EVA1C: variants seen among roughly 807,000 people sequenced by gnomAD.
EVA1C encodes the protein protein eva-1 homolog C.
EVA1C carries 25 observed loss-of-function variants against 45.4 expected under a neutral mutation model. The ratio of observed to expected loss-of-function variants is 0.55; its 90% CI spans 0.40 to 0.77. EVA1C has a LOEUF of 0.77. Among genes scored for constraint, EVA1C ranks in the 30% least tolerant of loss-of-function variants. EVA1C has a pLI of 0.00. For synonymous variants in EVA1C, 190 were observed against 221.2 expected (o/e 0.86, Z 1.25); for missense variants, 479 against 554.8 (o/e 0.86, Z 1.37).
intron 4 of EVA1C, among the ~76,000 whole-genome samples, chr21:32,475,997 T>C (rs900451387): frequency 6.6e-6 from 1 of 152,170 alleles, no homozygotes; most frequent in Non-Finnish European, 1.5e-5. Context: ...TTTTTCTGCA[T>C]GCTTCCAATT....
intron 4 of EVA1C, 185 bp downstream of exon 4, chr21:32,468,033 T>C (rs1334225557): frequency 2.3e-5 from 7 of 305,608 alleles, no homozygotes; most frequent in Non-Finnish European, 4.0e-5. Flanking sequence ...TGTATATATA[T>C]ATAAATGCTT....
chr21:32,501,362 C>G, intron 5 of EVA1C, 53 bp from the exon 6 acceptor site: 1 of 1,475,080 alleles, frequency 6.8e-7, no homozygotes, highest in Non-Finnish European at 9.2e-7. Context: ...TATTAAGAGT[C>G]CACATTTTAA....
chr21:32,507,688 G>C (rs1241174163), intron 7 of EVA1C, among the ~76,000 whole-genome samples: 3 of 151,598 alleles, frequency 2.0e-5, no homozygotes, highest in Non-Finnish European at 4.4e-5. Context: ...CTGTGTGCAT[G>C]TGTGCATGCG....
upstream of EVA1C, chr21:32,412,064 T>C (rs2033841877): frequency 1.3e-5 from 2 of 152,266 alleles, no homozygotes; most frequent in South Asian, 4.1e-4. Flanking sequence ...GAAGCCGAGC[T>C]GGAGCTAAAG....
At chr21:32,505,066 C>A (rs911009919) in intron 7 of EVA1C, among the ~76,000 whole-genome samples, 1 of 151,866 alleles carries the variant, frequency 6.6e-6, no homozygotes, top group African/African-American at 2.4e-5. Context: ...TGGGAAAGAC[C>A]CACCCCATGA....
intron 6 of EVA1C, among the ~76,000 whole-genome samples, chr21:32,501,989 TTTCTTTCTTTC>T (rs1470875480): frequency 1.2e-3 from 2 of 1,610 alleles, no homozygotes; most frequent in Non-Finnish European, 1.9e-3. Flanking sequence ...CGCTCTTTTC[TTTCTTTCTTTC>T]TTTCTTTCTT....
chr21:32,416,128 C>CT (rs11433811), intron 1 of EVA1C, among the ~76,000 whole-genome samples: 152,220 of 152,220 alleles, frequency 1, 76,110 homozygotes, highest in Non-Finnish European at 1. Flanking sequence ...AAGGGATCCT[C>CT]ATATTTTTGC....
chr21:32,424,395 T>G (rs2833808), intron 1 of EVA1C, among the ~76,000 whole-genome samples: 58,380 of 151,930 alleles, frequency 0.38, 11,849 homozygotes, highest in African/African-American at 0.51. Context: ...TATCTAGAAG[T>G]CCAATTTGTA....
At chr21:32,463,227 G>T (rs1312344838) in intron 3 of EVA1C, among the ~76,000 whole-genome samples, 2 of 152,132 alleles carry the variant, frequency 1.3e-5, no homozygotes, top group Non-Finnish European at 2.9e-5. Context: ...GGATTTCATT[G>T]CTCTTGTCAT....
At chr21:32,504,226 G>A (rs577189145) in intron 7 of EVA1C, among the ~76,000 whole-genome samples, 72 of 152,314 alleles carry the variant, frequency 4.7e-4, no homozygotes, top group South Asian at 1.2e-3. Context: ...CACATAAACA[G>A]ACAAAGTCAC....
chr21:32,447,285 C>T (rs2035398233), intron 1 of EVA1C, among the ~76,000 whole-genome samples: 2 of 151,668 alleles, frequency 1.3e-5, no homozygotes, highest in African/African-American at 4.8e-5. Flanking sequence ...GGCAGAACTG[C>T]TTGAACCAGG....
At chr21:32,485,461 C>T (rs968736741) in intron 4 of EVA1C, among the ~76,000 whole-genome samples, 2 of 152,128 alleles carry the variant, frequency 1.3e-5, no homozygotes, top group Non-Finnish European at 2.9e-5. Context: ...CCGTGCCTGG[C>T]CACTCCCTTT....
rs149819250 is a variant in EVA1C, at chr21:32,474,369, C to T, written c.634+6521C>T. Among the ~76,000 whole-genome samples the T allele has an allele frequency of 4.4e-4, 67 of 152,312 alleles. No homozygotes were observed. Among genetic ancestry groups the T allele is most frequent in the Middle Eastern group, 6.8e-3 (2 of 294 alleles). ...TGGAGCACTCCACCTTTATTCATAC[C>T]CCTGGGCCTTTGCACAAGCTGTCCC... is the stretch of plus-strand genomic sequence containing the variant. On this transcript the variant is annotated intron_variant, in intron 4 of 7. Transcript: ENST00000300255. This position sits in a 1 kb window ranked among gnomAD's most constrained non-coding sequence, Gnocchi z 4.4.
chr21:32,448,475 GC>G (rs977416115), intron 1 of EVA1C, among the ~76,000 whole-genome samples: 7 of 152,130 alleles, frequency 4.6e-5, no homozygotes, highest in Non-Finnish European at 7.4e-5. Context: ...TGGCCAGCTC[GC>G]CCGAGCTCCT....
intron 7 of EVA1C, among the ~76,000 whole-genome samples, chr21:32,504,232 G>A (rs1344704756): frequency 2.0e-5 from 3 of 152,186 alleles, no homozygotes; most frequent in African/African-American, 7.2e-5. Context: ...AACAGACAAA[G>A]TCACACTATT....
Position 32,474,474 on chromosome 21 carries a change from A to G in EVA1C, c.634+6626A>G, listed in dbSNP as rs2036486802. ...GACATCGACCCAGATGTCATCTCAG[A>G]GAGGTTTCTCCAGGCACCGGCCAGC... On this transcript the variant is annotated intron_variant, in intron 4 of 7. Coordinates refer to ENST00000300255, the MANE Select transcript of EVA1C (RefSeq NM_058187.5). This position sits in a 1 kb window ranked among gnomAD's most constrained non-coding sequence, Gnocchi z 4.4. Among the ~76,000 whole-genome samples, 1 of 152,086 alleles carries G rather than the reference A, an allele frequency of 6.6e-6. No homozygotes were observed. The highest frequency in any genetic ancestry group is 1.5e-5 in the Non-Finnish European group (1 of 68,004).
At chr21:32,443,467 G>A (rs2035253420) in intron 1 of EVA1C, among the ~76,000 whole-genome samples, 1 of 152,140 alleles carries the variant, frequency 6.6e-6, no homozygotes, top group Admixed American at 6.6e-5. Context: ...AACCCAGGAG[G>A]CGGAGGTTGC....
Position 32,501,422 on chromosome 21 carries a change from G to T in EVA1C, c.786G>T (p.Lys262Asn), listed in dbSNP as rs2037525428. 1 of 1,590,242 alleles carries T rather than the reference G, an allele frequency of 6.3e-7. No homozygotes were observed. Among genetic ancestry groups the T allele is most frequent in the Non-Finnish European group, 8.5e-7 (1 of 1,177,682 alleles). The change falls in exon 6 of 8, where the codon AAG (lysine) becomes AAT (asparagine). Residue 262 changes from lysine (K) to asparagine (N), a missense_variant. This residue lies in a region of EVA1C where 366 missense variants were observed against 426.1 expected (regional missense o/e 0.86). Transcript: ENST00000300255. ...TTCTTTTTTGGCTTTTAGTTCCCAA[G>T]AACATACTCACAGCGATTGATCCAG... Reference protein sequence around the residue: ...YLTVTYACVPKNILTAIDPAI... With the variant: ...YLTVTYACVPNNILTAIDPAI...
At chr21:32,456,293 G>A (rs2035780759) in intron 2 of EVA1C, among the ~76,000 whole-genome samples, 1 of 152,168 alleles carries the variant, frequency 6.6e-6, no homozygotes, top group Admixed American at 6.5e-5. Flanking sequence ...GACCACAGCT[G>A]ATCCATCCCT....
Sources: gnomAD v4.1 joint callset for allele counts (sites outside exome capture counted in the v4.1 genomes callset) on GRCh38, gnomAD v4.1.1 for gene constraint, gnomAD v4.1.1 regional missense constraint, Gnocchi (gnomAD v3.1) non-coding constraint, MANE v1.5 for transcripts, NCBI Gene and HGNC (gene_info 2026-07-23, HGNC 2026-07-21) for gene names.